STK33: variants seen among roughly 807,000 people sequenced by gnomAD.
The protein encoded by STK33 is serine/threonine-protein kinase 33.
In STK33, 52 loss-of-function variants were observed where a neutral mutation model predicts 58.0. The ratio of observed to expected loss-of-function variants is 0.90; its 90% CI spans 0.72 to 1.13. The LOEUF (loss-of-function observed/expected upper bound fraction) is 1.13, where lower values mean the gene tolerates loss of function less well. Ranked by LOEUF, STK33 falls within the 50% of genes most tolerant of loss-of-function variation. The pLI, the probability that STK33 is intolerant of heterozygous loss-of-function variation, is 0.00. For synonymous variants in STK33, 215 were observed against 200.1 expected, an observed-to-expected ratio of 1.07 and a Z score of -0.63; for missense variants, 630 against 604.2, an observed-to-expected ratio of 1.04 and a Z score of -0.45.
the STK33 span, among the ~76,000 whole-genome samples, chr11:8,385,974 C>G: frequency 1.3e-5 from 2 of 151,054 alleles, no homozygotes; most frequent in African/African-American, 2.5e-5. Flanking sequence ...CAGGGTTTCA[C>G]CATGTTAGCC....
the STK33 span, among the ~76,000 whole-genome samples, chr11:8,368,815 C>T: frequency 6.6e-6 from 1 of 152,210 alleles, no homozygotes; most frequent in African/African-American, 2.4e-5. Context: ...GCCCCAACCA[C>T]CTTAAGACAT....
At chr11:8,580,385 T>C (rs1433538384) in intron 1 of STK33, among the ~76,000 whole-genome samples, 2 of 151,954 alleles carry the variant, frequency 1.3e-5, no homozygotes, top group Non-Finnish European at 2.9e-5. Flanking sequence ...AAACATCAAA[T>C]GTTCTCACTA....
the STK33 span, among the ~76,000 whole-genome samples, chr11:8,368,480 C>A: frequency 2.3e-4 from 35 of 152,346 alleles, no homozygotes; most frequent in African/African-American, 8.4e-4. Flanking sequence ...GCCTGCCCAG[C>A]CCAACAGCGC....
chr11:8,512,140 G>A (rs537579852), intron 1 of STK33, among the ~76,000 whole-genome samples: 2 of 152,140 alleles, frequency 1.3e-5, no homozygotes, highest in South Asian at 4.1e-4. Context: ...GTTTTCTGTT[G>A]GGTCAATAAT....
At chr11:8,543,773 G>C (rs1268714685) in intron 1 of STK33, among the ~76,000 whole-genome samples, 1 of 151,980 alleles carries the variant, frequency 6.6e-6, no homozygotes, top group Non-Finnish European at 1.5e-5. Context: ...TAATACAAAG[G>C]ATAAATACTT....
intron 1 of STK33, among the ~76,000 whole-genome samples, chr11:8,493,299 T>A (rs964482955): frequency 3.3e-5 from 5 of 151,550 alleles, no homozygotes; most frequent in Non-Finnish European, 5.9e-5. Flanking sequence ...CAAACTACCA[T>A]CAGAGAATAC....
chr11:8,340,986 A>G, the STK33 span, among the ~76,000 whole-genome samples: 1 of 152,084 alleles, frequency 6.6e-6, no homozygotes, highest in African/African-American at 2.4e-5. Flanking sequence ...AGTCTCCCCA[A>G]TAGCTGGGAC....
At chr11:8,582,080 T>C (rs1256173816) in intron 1 of STK33, among the ~76,000 whole-genome samples, 5 of 152,364 alleles carry the variant, frequency 3.3e-5, no homozygotes, top group East Asian at 3.9e-4. Flanking sequence ...ATTTTATTTA[T>C]AGGTCTTTCT....
At chr11:8,490,829 C>A (rs969328749) in intron 1 of STK33, among the ~76,000 whole-genome samples, 1 of 152,156 alleles carries the variant, frequency 6.6e-6, no homozygotes, top group African/African-American at 2.4e-5. Context: ...CAAACTCCAA[C>A]ACACCTGCAG....
chr11:8,489,559 C>T (rs1292316663), intron 1 of STK33, among the ~76,000 whole-genome samples: 2 of 152,198 alleles, frequency 1.3e-5, no homozygotes, highest in East Asian at 3.9e-4. Context: ...GTGAGGAAAC[C>T]AGGCCAAACT....
At chr11:8,579,142 G>A (rs1025949621) in intron 1 of STK33, among the ~76,000 whole-genome samples, 1 of 151,866 alleles carries the variant, frequency 6.6e-6, no homozygotes, top group Non-Finnish European at 1.5e-5. Flanking sequence ...AATCATTTCT[G>A]TCCATTTTAT....
intron 1 of STK33, among the ~76,000 whole-genome samples, chr11:8,546,454 T>C (rs1955919175): frequency 6.6e-6 from 1 of 152,156 alleles, no homozygotes; most frequent in Admixed American, 6.6e-5. Context: ...ACATTCCAAA[T>C]TTTGTCTTCT....
chr11:8,386,899 G>C (rs552603209), downstream of STK33, among the ~76,000 whole-genome samples: 2 of 152,152 alleles, frequency 1.3e-5, no homozygotes, highest in African/African-American at 4.8e-5. Flanking sequence ...CCTGAGATGG[G>C]AATCACACTT....
chr11:8,336,455 C>A, the STK33 span, among the ~76,000 whole-genome samples: 1 of 152,250 alleles, frequency 6.6e-6, no homozygotes, highest in Admixed American at 6.5e-5. Context: ...TGAGCTGGGT[C>A]TCTGGAGAGG....
intron 1 of STK33, among the ~76,000 whole-genome samples, chr11:8,587,022 T>A (rs560879744): frequency 5.9e-5 from 9 of 152,206 alleles, no homozygotes; most frequent in African/African-American, 2.2e-4. Flanking sequence ...AGGCTGTGTG[T>A]CATGTGTATC....
In STK33 at chr11:8,492,937, C is replaced by T. The variant is rs990763194; in HGVS notation, c.-465-12323G>A. On this transcript the variant is annotated intron_variant, in intron 1 of 15. Transcript: ENST00000687296. ...AAAACGTACCAGAATCTCTGGGACA[C>T]ATTTAAAGCAGTGTATAGAGGGAAA... Among the ~76,000 whole-genome samples, 4 of 152,172 alleles carry T rather than the reference C, an allele frequency of 2.6e-5. No individual in the cohort carries two copies. The East Asian group carries it at 7.7e-4, about 29-fold the overall frequency.
chr11:8,441,723 A>C (rs990490502), intron 11 of STK33, among the ~76,000 whole-genome samples: 1 of 152,142 alleles, frequency 6.6e-6, no homozygotes, highest in Non-Finnish European at 1.5e-5. Context: ...TATAGCTATG[A>C]ATCAGATATA....
intron 6 of STK33, chr11:8,466,170 TC>T (rs1452744663): frequency 2.0e-5 from 3 of 152,076 alleles, no homozygotes; most frequent in African/African-American, 7.2e-5. Context: ...CTCTGGCCCT[TC>T]CCAAATCACA....
chr11:8,424,112 A>G (rs1012887075), intron 14 of STK33, among the ~76,000 whole-genome samples: 65 of 151,370 alleles, frequency 4.3e-4, no homozygotes, highest in Non-Finnish European at 8.0e-4. Flanking sequence ...AACATTAGGC[A>G]TATCTCCTAA....
Sources: gnomAD v4.1 joint callset for allele counts (sites outside exome capture counted in the v4.1 genomes callset) on GRCh38, gnomAD v4.1.1 for gene constraint, MANE v1.5 for transcripts, NCBI Gene and HGNC (gene_info 2026-07-23, HGNC 2026-07-21) for gene names.